CSMD1: variants seen among roughly 807,000 people sequenced by gnomAD.
The protein encoded by CSMD1 is CUB and Sushi multiple domains 1.
In CSMD1, 213 loss-of-function variants were observed where a neutral mutation model predicts 417.5. The ratio of observed to expected loss-of-function variants is 0.51; its 90% confidence interval spans 0.46 to 0.57. The LOEUF (loss-of-function observed/expected upper bound fraction) is 0.57. CSMD1 is among the 20% of genes least tolerant of loss of function. The pLI is 0.00. For missense variants in CSMD1, 6,923 were observed against 4,529.7 expected (o/e 1.53, Z -15.17); for synonymous variants, 2,862 against 1,736.8 (o/e 1.65, Z -16.11).
intron 3 of CSMD1, among the ~76,000 whole-genome samples, chr8:4,057,421 T>C (rs1459722430): frequency 6.6e-6 from 1 of 152,220 alleles, no homozygotes; most frequent in Non-Finnish European, 1.5e-5. Context: ...TCATTGTAGA[T>C]TCTGGATGTT....
At chr8:4,812,527 A>G (rs1258126641) in intron 1 of CSMD1, among the ~76,000 whole-genome samples, 2 of 152,314 alleles carry the variant, frequency 1.3e-5, no homozygotes, top group East Asian at 3.9e-4. Flanking sequence ...TATACATTCT[A>G]TGTTTGCAAC....
chr8:3,884,132 T>G (rs2954633), intron 5 of CSMD1, among the ~76,000 whole-genome samples: 7,746 of 152,214 alleles, frequency 0.051, 655 homozygotes, highest in African/African-American at 0.18. Context: ...AGTTTCGAAT[T>G]TTTATTCCTA....
chr8:4,924,904 C>T (rs1806750698), intron 1 of CSMD1, among the ~76,000 whole-genome samples: 1 of 152,070 alleles, frequency 6.6e-6, no homozygotes, highest in Admixed American at 6.5e-5. Flanking sequence ...GGATTTGAAC[C>T]CAAATCTTGT....
chr8:3,407,656 T>C (rs12544481), intron 14 of CSMD1, among the ~76,000 whole-genome samples: 2,153 of 151,972 alleles, frequency 0.014, 45 homozygotes, highest in East Asian at 0.094. Context: ...TGTAAGGAGA[T>C]GAAAGAGAGA....
At chr8:3,675,596 C>T (rs2624102) in intron 7 of CSMD1, among the ~76,000 whole-genome samples, 19,127 of 151,978 alleles carry the variant, frequency 0.13, 1,357 homozygotes, top group African/African-American at 0.19. Flanking sequence ...GTTGATACCC[C>T]ATGATGAGAT....
chr8:3,224,341 G>A lies in CSMD1; in HGVS notation c.4346-474C>T, dbSNP rs77754539. Among the ~76,000 whole-genome samples the A allele has an allele frequency of 5.4e-3, 820 of 152,206 alleles. 5 individuals are homozygous for A. Among genetic ancestry groups the A allele is most frequent in the African/African-American group, 0.018 (764 of 41,524 alleles). On this transcript the variant is annotated intron_variant, in intron 27 of 69. Transcript: ENST00000635120. ...TTCTTCTTGAGTGCATGCTTCATGT[G>A]GTACAGGGATCATCTAGCTCCTGTT...
chr8:4,454,318 T>A (rs1358584041), intron 2 of CSMD1, among the ~76,000 whole-genome samples: 5 of 152,202 alleles, frequency 3.3e-5, no homozygotes, highest in African/African-American at 9.7e-5. Flanking sequence ...TTCTTCCGCA[T>A]CCTTGTCAGT....
At chr8:4,073,142 A>G (rs1475534963) in intron 3 of CSMD1, among the ~76,000 whole-genome samples, 1 of 152,138 alleles carries the variant, frequency 6.6e-6, no homozygotes, top group East Asian at 1.9e-4. Context: ...GAACATGAAA[A>G]CTTTTGTGAT....
intron 3 of CSMD1, among the ~76,000 whole-genome samples, chr8:4,348,017 A>T (rs779463522): frequency 6.6e-6 from 1 of 152,178 alleles, no homozygotes; most frequent in African/African-American, 2.4e-5. Context: ...TACTATATGC[A>T]TAAAGAGGAA....
intron 1 of CSMD1, among the ~76,000 whole-genome samples, chr8:4,738,771 G>A (rs539574691): frequency 2.6e-5 from 4 of 152,228 alleles, no homozygotes; most frequent in African/African-American, 9.6e-5. Context: ...ACAGGATTAA[G>A]CTTGATACAA....
chr8:4,914,446 C>T (rs568887992), intron 1 of CSMD1, among the ~76,000 whole-genome samples: 9 of 151,958 alleles, frequency 5.9e-5, no homozygotes, highest in South Asian at 2.1e-4. Context: ...GGTGAGGTGG[C>T]GGGCCCCTGT....
chr8:4,518,761 A>T (rs1271678706), intron 2 of CSMD1, among the ~76,000 whole-genome samples: 1 of 152,066 alleles, frequency 6.6e-6, no homozygotes, highest in Admixed American at 6.5e-5. Context: ...AACTTAAATT[A>T]TAATAATAAT....
At chr8:4,851,464 T>C (rs1444741377) in intron 1 of CSMD1, among the ~76,000 whole-genome samples, 1 of 152,102 alleles carries the variant, frequency 6.6e-6, no homozygotes, top group African/African-American at 2.4e-5. Context: ...ACCTCTATTT[T>C]TTTTCTTTTT....
chr8:3,082,281 T>C (rs1294710547), intron 49 of CSMD1, among the ~76,000 whole-genome samples: 2 of 152,210 alleles, frequency 1.3e-5, no homozygotes, highest in African/African-American at 4.8e-5. Flanking sequence ...GGATTGTATC[T>C]CTTTTGCTCT....
intron 3 of CSMD1, among the ~76,000 whole-genome samples, chr8:4,213,647 T>C (rs1010420650): frequency 8.5e-5 from 13 of 152,348 alleles, no homozygotes; most frequent in Admixed American, 2.6e-4. Context: ...AGTAGGGTGA[T>C]TGTTGCTCAG....
intron 17 of CSMD1, among the ~76,000 whole-genome samples, chr8:3,395,724 T>G (rs766796306): frequency 6.6e-6 from 1 of 152,224 alleles, no homozygotes; most frequent in Non-Finnish European, 1.5e-5. Context: ...CTTCGCCTCT[T>G]GTTACCTGAC....
At chr8:4,665,671 C>G (rs1804876470) in intron 1 of CSMD1, among the ~76,000 whole-genome samples, 1 of 152,100 alleles carries the variant, frequency 6.6e-6, no homozygotes, top group African/African-American at 2.4e-5. Flanking sequence ...CAAGGTCCAC[C>G]CACGCTGTTG....
At chr8:4,817,703 T>C (rs940814294) in intron 1 of CSMD1, among the ~76,000 whole-genome samples, 5 of 152,356 alleles carry the variant, frequency 3.3e-5, no homozygotes, top group Admixed American at 6.5e-5. Context: ...CAATCAATAC[T>C]TTAAATTGCA....
At chr8:4,910,479 G>C (rs144057937) in intron 1 of CSMD1, among the ~76,000 whole-genome samples, 7 of 152,272 alleles carry the variant, frequency 4.6e-5, no homozygotes, top group African/African-American at 1.2e-4. Context: ...GCAGGGTCTT[G>C]CCTGGTTTCT....
Sources: allele counts gnomAD v4.1 joint callset (sites outside exome capture counted in the v4.1 genomes callset), GRCh38; gene constraint gnomAD v4.1.1; transcripts MANE v1.5; gene names NCBI Gene and HGNC (gene_info 2026-07-23, HGNC 2026-07-21).